ASCC3: variants seen among roughly 807,000 people sequenced by gnomAD.
ASCC3 encodes the protein ASC-1 complex subunit P200.
A neutral mutation model predicts 256.3 loss-of-function variants in ASCC3; 158 were observed. The observed-to-expected ratio is 0.62, with a 90% confidence interval of 0.54 to 0.70. The LOEUF is 0.70. Ranked by LOEUF, ASCC3 falls within the 30% of genes least tolerant of loss-of-function variation. ASCC3 has a pLI of 0.00. For missense variants in ASCC3, 2,259 were observed against 2,626.0 expected (o/e 0.86, Z 3.05); for synonymous variants, 948 against 883.4 (o/e 1.07, Z -1.30).
At position 100,799,510 on chromosome 6, in the gene ASCC3, A is replaced by C; in HGVS notation, c.1190T>G (p.Val397Gly). ...PILSRQRDADVEKIHYPHVYD... is the reference protein window; with the variant it reads ...PILSRQRDADGEKIHYPHVYD... The stretch of plus-strand genomic sequence containing the variant: ...CACATGGGGATAATGTATTTTTTCA[A>C]CGTCTGCATCTCTCTGCCTGCTCAG... Residue 397 changes from valine (V) to glycine (G), a missense_variant, in exon 7 of 42, where the codon GTT (valine) becomes GGT (glycine). This residue lies in a region of ASCC3 where 1,839 missense variants were observed against 2,206.7 expected (regional missense o/e 0.83). Transcript: ENST00000369162. 1 of 1,613,122 alleles carries C rather than the reference A, an allele frequency of 6.2e-7. No homozygotes were observed. The highest frequency in any genetic ancestry group is 8.5e-7 in the Non-Finnish European group (1 of 1,179,490).
Position 100,518,106 on chromosome 6 carries a change from C to G in ASCC3, c.5812G>C (p.Val1938Leu). ...AGGTTGGTGATATTCAGGACAGTCA[C>G]CAGCCAGCCCTGGTTTGCAGCCACG... ...LDVAANQGWL[V>L]TVLNITNLIQ... The change falls in exon 38 of 42, where the codon GTG becomes CTG. Residue 1938 changes from valine (V) to leucine (L), a missense_variant. Around this residue, in one of 2 missense-constraint regions of ASCC3, gnomAD observed 1,839 missense variants for 2,206.7 expected, o/e 0.83. Transcript: ENST00000369162. 6.2e-7 allele frequency: 1 copy of G among 1,613,586 alleles called. No individual in the cohort carries two copies. Among genetic ancestry groups the G allele is most frequent in the Non-Finnish European group, 8.5e-7 (1 of 1,179,700 alleles).
intron 2 of ASCC3, among the ~76,000 whole-genome samples, chr6:100,865,472 T>C (rs1489349342): frequency 1.3e-5 from 2 of 152,156 alleles, no homozygotes; most frequent in Non-Finnish European, 1.5e-5. Context: ...GATAGCAATA[T>C]TAATATACTC....
chr6:100,724,548 G>A (rs921551378), intron 11 of ASCC3, among the ~76,000 whole-genome samples: 2 of 151,822 alleles, frequency 1.3e-5, no homozygotes, highest in Non-Finnish European at 2.9e-5. Context: ...GAAAGAAAAG[G>A]GGTAACTTAC....
chr6:100,665,991 C>T (rs1776454304), intron 14 of ASCC3, among the ~76,000 whole-genome samples: 2 of 152,158 alleles, frequency 1.3e-5, no homozygotes, highest in Admixed American at 1.3e-4. Flanking sequence ...TTCGCAACTA[C>T]TACCACTGTA....
intron 13 of ASCC3, among the ~76,000 whole-genome samples, chr6:100,684,241 C>T (rs1017931336): frequency 3.3e-5 from 5 of 152,008 alleles, no homozygotes; most frequent in Non-Finnish European, 5.9e-5. Flanking sequence ...TTCTTATTTC[C>T]CCCAGAACAC....
intron 8 of ASCC3, among the ~76,000 whole-genome samples, chr6:100,772,883 A>G (rs1782010794): frequency 6.6e-6 from 1 of 152,202 alleles, no homozygotes; most frequent in Non-Finnish European, 1.5e-5. Flanking sequence ...TCTAAATTCA[A>G]TTTCCTCATC....
intron 30 of ASCC3, among the ~76,000 whole-genome samples, chr6:100,615,007 T>A (rs985727337): frequency 3.9e-5 from 6 of 152,278 alleles, no homozygotes; most frequent in Admixed American, 6.5e-5. Flanking sequence ...TTTTATTTTT[T>A]TTTTCCTTTT....
At chr6:100,667,798 G>A (rs139341831) in intron 14 of ASCC3, among the ~76,000 whole-genome samples, 65 of 152,056 alleles carry the variant, frequency 4.3e-4, no homozygotes, top group African/African-American at 1.2e-3. Context: ...TATGTTTTGC[G>A]CATGAGTTTG....
chr6:100,679,502 T>A (rs1777184236), intron 14 of ASCC3, 116 bp downstream of exon 14: 3 of 1,448,336 alleles, frequency 2.1e-6, no homozygotes, highest in Non-Finnish European at 1.9e-6. Flanking sequence ...GATTATAACA[T>A]CATAAATCTG....
chr6:100,733,776 G>T (rs1411315193), intron 10 of ASCC3, among the ~76,000 whole-genome samples: 3 of 152,064 alleles, frequency 2.0e-5, no homozygotes, highest in African/African-American at 4.8e-5. Flanking sequence ...AAGCAATTTT[G>T]TTCGTTATTT....
chr6:100,807,920 C>T (rs1770269845), intron 4 of ASCC3, among the ~76,000 whole-genome samples: 1 of 151,772 alleles, frequency 6.6e-6, no homozygotes, highest in Non-Finnish European at 1.5e-5. Context: ...TATGTAACAT[C>T]ATTTTGATTT....
chr6:100,529,665 C>A (rs1019115172), intron 37 of ASCC3, among the ~76,000 whole-genome samples: 2 of 152,050 alleles, frequency 1.3e-5, no homozygotes, highest in Non-Finnish European at 1.5e-5. Context: ...AATTTTAAAA[C>A]AAATTCTCAC....
At chr6:100,833,276 T>C (rs896631391) in intron 4 of ASCC3, among the ~76,000 whole-genome samples, 1 of 152,148 alleles carries the variant, frequency 6.6e-6, no homozygotes, top group African/African-American at 2.4e-5. Context: ...AGTAAAAAGA[T>C]CTGTGGTTCC....
chr6:100,809,494 G>T (rs140326718), intron 4 of ASCC3, among the ~76,000 whole-genome samples: 1 of 152,150 alleles, frequency 6.6e-6, no homozygotes, highest in East Asian at 1.9e-4. Flanking sequence ...TAATCTTACA[G>T]CATCACTGTT....
chr6:100,636,310 G>A (rs944297469), intron 25 of ASCC3, among the ~76,000 whole-genome samples: 2 of 151,836 alleles, frequency 1.3e-5, no homozygotes, highest in East Asian at 1.9e-4. Flanking sequence ...ATCTGTGGTC[G>A]GTGATCTTTT....
chr6:100,586,934 T>C (rs958084756), intron 36 of ASCC3, among the ~76,000 whole-genome samples: 17 of 152,130 alleles, frequency 1.1e-4, no homozygotes, highest in African/African-American at 3.9e-4. Context: ...TGTAATGTTA[T>C]CAGAAATACT....
chr6:100,577,787 G>A (rs1770953962), intron 36 of ASCC3, among the ~76,000 whole-genome samples: 1 of 151,712 alleles, frequency 6.6e-6, no homozygotes, highest in Non-Finnish European at 1.5e-5. Flanking sequence ...TAGGAAGTTT[G>A]TCACTAATGT....
At chr6:100,853,764 A>G (rs533802501) in intron 3 of ASCC3, among the ~76,000 whole-genome samples, 2 of 152,322 alleles carry the variant, frequency 1.3e-5, no homozygotes, top group Admixed American at 6.5e-5. Context: ...TACCCAGCCA[A>G]TAAGTATTCA....
intron 36 of ASCC3, among the ~76,000 whole-genome samples, chr6:100,548,266 T>C (rs1354000795): frequency 6.6e-6 from 1 of 151,968 alleles, no homozygotes; most frequent in Non-Finnish European, 1.5e-5. Context: ...AGTTCATTAT[T>C]TGGAATGCAG....
Sources: gnomAD v4.1 joint callset for allele counts (sites outside exome capture counted in the v4.1 genomes callset) on GRCh38, gnomAD v4.1.1 for gene constraint, gnomAD v4.1.1 regional missense constraint, MANE v1.5 for transcripts, NCBI Gene and HGNC (gene_info 2026-07-23, HGNC 2026-07-21) for gene names.